Variants in SPEF2 observed in about 807,000 individuals in gnomAD.
The protein encoded by SPEF2 is sperm flagellar and cilia associated 2, also known as sperm flagella and cilia-associated protein 2.
In SPEF2, 187 loss-of-function variants were observed where a neutral mutation model predicts 224.6. That is an observed-to-expected ratio of 0.83 (90% CI 0.74 to 0.94). The LOEUF (loss-of-function observed/expected upper bound fraction) is 0.94, where lower values mean the gene tolerates loss of function less well. Among genes scored for constraint, SPEF2 ranks in the 40% least tolerant of loss-of-function variants. The probability of loss-of-function intolerance (pLI) is 0.00; values close to 1 mark genes in which losing one functional copy is unlikely to be tolerated. For missense variants in SPEF2, 2,170 were observed against 2,135.6 expected (o/e 1.02, Z -0.32); for synonymous variants, 715 against 707.3 (o/e 1.01, Z -0.17).
At chr5:35,645,019 T>C (rs1023089739) in intron 4 of SPEF2, among the ~76,000 whole-genome samples, 1 of 152,188 alleles carries the variant, frequency 6.6e-6, no homozygotes, top group African/African-American at 2.4e-5. Flanking sequence ...AACTCTCAAC[T>C]TCTTTCTGGC....
intron 2 of SPEF2, among the ~76,000 whole-genome samples, chr5:35,637,589 T>C (rs1746018813): frequency 6.6e-6 from 1 of 152,220 alleles, no homozygotes; most frequent in South Asian, 2.1e-4. Context: ...AAAGAAGCCA[T>C]GGATTAGAAC....
At chr5:35,779,378 A>C (rs1219886566) in intron 30 of SPEF2, 32 bp downstream of exon 30, 1 of 1,516,544 alleles carries the variant, frequency 6.6e-7, no homozygotes, top group Admixed American at 1.9e-5. Flanking sequence ...AAAAGAGCAC[A>C]AAAAAAGGTT....
At chr5:35,651,530 C>T (rs754833551) in intron 6 of SPEF2, among the ~76,000 whole-genome samples, 56 of 152,126 alleles carry the variant, frequency 3.7e-4, no homozygotes, top group Non-Finnish European at 4.1e-4. Flanking sequence ...AAAAGAAAAA[C>T]GTTGGGAAGT....
At chr5:35,688,104 C>A (rs1753919593) in intron 10 of SPEF2, among the ~76,000 whole-genome samples, 1 of 152,180 alleles carries the variant, frequency 6.6e-6, no homozygotes, top group African/African-American at 2.4e-5. Flanking sequence ...CCGGAACCAT[C>A]ATAGCAAAGT....
At chr5:35,677,905 C>A (rs1214507403) in intron 10 of SPEF2, among the ~76,000 whole-genome samples, 1 of 152,152 alleles carries the variant, frequency 6.6e-6, no homozygotes, top group East Asian at 1.9e-4. Flanking sequence ...TGTAGCTCAG[C>A]GTTTCTGAAA....
At chr5:35,619,371 C>G (rs917880865) in intron 1 of SPEF2, among the ~76,000 whole-genome samples, 2 of 152,046 alleles carry the variant, frequency 1.3e-5, no homozygotes, top group African/African-American at 4.8e-5. Context: ...TAATTTAGTT[C>G]ATTTATTTTA....
At chr5:35,771,967 G>C (rs1159785042) in intron 27 of SPEF2, among the ~76,000 whole-genome samples, 2 of 152,170 alleles carry the variant, frequency 1.3e-5, no homozygotes, top group Admixed American at 1.3e-4. Flanking sequence ...CAAATAGCCA[G>C]ATGTACTCAG....
chr5:35,806,599 C>G, intron 34 of SPEF2, 108 bp from the exon 35 acceptor site: 2 of 1,382,036 alleles, frequency 1.4e-6, no homozygotes, highest in Non-Finnish European at 2.0e-6. Context: ...GTGGTAGGCT[C>G]TGTCATTCAT....
At chr5:35,676,670 A>C (rs1290895257) in intron 10 of SPEF2, among the ~76,000 whole-genome samples, 1 of 152,124 alleles carries the variant, frequency 6.6e-6, no homozygotes, top group Non-Finnish European at 1.5e-5. Context: ...CAGAGGTTTC[A>C]GTGAGCCAAG....
chr5:35,655,012 T>C (rs1451236737), intron 7 of SPEF2, among the ~76,000 whole-genome samples: 5 of 152,188 alleles, frequency 3.3e-5, no homozygotes, highest in Non-Finnish European at 7.3e-5. Flanking sequence ...TAATAAAAAA[T>C]ACATTAAAAG....
intron 10 of SPEF2, 49 bp downstream of exon 10, chr5:35,670,276 T>A: frequency 6.6e-7 from 1 of 1,525,998 alleles, no homozygotes; most frequent in Non-Finnish European, 8.8e-7. Flanking sequence ...AAATCCTTTT[T>A]CTTTAACATT....
chr5:35,790,372 A>C, intron 30 of SPEF2: 1 of 521,534 alleles, frequency 1.9e-6, no homozygotes, highest in Non-Finnish European at 3.4e-6. Context: ...AGTGATTAGC[A>C]ATATGCAAAT....
Position 35,654,606 on chromosome 5 carries a change from T to C in SPEF2, c.858T>C (p.Asp286=), listed in dbSNP as rs759937338. Residue 286 remains aspartate (D), a synonymous_variant, in exon 7 of 37, where the codon GAT becomes GAC. Coordinates refer to ENST00000356031, the MANE Select transcript of SPEF2 (RefSeq NM_024867.4). ...TTTDLLNTYS[D]DEYIKKIQKR... is the part of the protein sequence containing the mutation. ...CCGATTTGTTAAATACTTACTCAGA[T>C]GACGAGTACATTAAAAAAATCCAGA... 1.2e-6 allele frequency: 2 copies of C among 1,613,602 alleles called. No homozygotes were observed. The highest frequency in any genetic ancestry group is 2.2e-5 in the South Asian group (2 of 90,972).
chr5:35,742,764 G>C (rs1747868564), intron 23 of SPEF2, among the ~76,000 whole-genome samples: 1 of 151,818 alleles, frequency 6.6e-6, no homozygotes, highest in African/African-American at 2.4e-5. Context: ...AAGGAAACAA[G>C]CCATCTGTTG....
intron 8 of SPEF2, among the ~76,000 whole-genome samples, chr5:35,661,254 TTATATATATATATATATATATATA>T (rs550178866): frequency 0.092 from 8,623 of 94,016 alleles, 731 homozygotes; most frequent in African/African-American, 0.2. Flanking sequence ...TTGGTATATA[TTATATATATATATATATATATATA>T]TATATATATA....
At chr5:35,670,024 C>CATTG (rs776443175) in intron 9 of SPEF2, 35 bp from the exon 10 acceptor site, 13 of 1,496,320 alleles carry the variant, frequency 8.7e-6, no homozygotes, top group Non-Finnish European at 1.2e-5. Flanking sequence ...TTTGACTAAC[C>CATTG]ATTGATTCAT....
At position 35,806,931 on chromosome 5, in the gene SPEF2, G is replaced by A. The variant is rs544034725; in HGVS notation, c.5235G>A (p.Lys1745=). 43 of 1,609,102 alleles carry A rather than the reference G, an allele frequency of 2.7e-5. No homozygotes were observed. The highest frequency in any genetic ancestry group is 3.4e-5 in the Admixed American group (2 of 59,138). The change falls in exon 35 of 37, where the codon AAG becomes AAA. Residue 1745 remains lysine, a synonymous_variant. Transcript: ENST00000356031. ...CCAATAGATTTGCCAGCCACCTAAA[G>A]ATAGAGAACATTTATGCAGAGGTTG... ...QDSNRFASHL[K]IENIYAEGFI... is the part of the protein sequence containing the mutation.
chr5:35,802,397 C>T (rs1580792058), intron 34 of SPEF2, among the ~76,000 whole-genome samples: 2 of 152,290 alleles, frequency 1.3e-5, no homozygotes, highest in South Asian at 4.1e-4. Flanking sequence ...TGAGCACCTA[C>T]GTGTGCTGGG....
chr5:35,719,846 C>G (rs10069273), intron 20 of SPEF2, among the ~76,000 whole-genome samples: 74 of 152,172 alleles, frequency 4.9e-4, no homozygotes, highest in African/African-American at 1.7e-3. Context: ...GGTCTGGAAC[C>G]ACTGACCTCA....
Sources: allele counts gnomAD v4.1 joint callset (sites outside exome capture counted in the v4.1 genomes callset), GRCh38; gene constraint gnomAD v4.1.1; transcripts MANE v1.5; gene names NCBI Gene and HGNC (gene_info 2026-07-23, HGNC 2026-07-21).